Variants in RAB3IL1 observed in about 807,000 individuals in gnomAD.
RAB3IL1 encodes guanine nucleotide exchange factor for Rab-3A.
RAB3IL1 carries 37 observed loss-of-function variants against 49.2 expected under a neutral mutation model. The observed-to-expected ratio is 0.75, with a 90% confidence interval of 0.58 to 0.99. RAB3IL1 has a LOEUF of 0.99. Ranked by LOEUF, RAB3IL1 falls within the 50% of genes least tolerant of loss-of-function variation. RAB3IL1 has a pLI of 0.00. For synonymous variants in RAB3IL1, 193 were observed against 213.9 expected (o/e 0.90, Z 0.85); for missense variants, 484 against 513.0 (o/e 0.94, Z 0.55).
chr11:61,929,961 C>T, the RAB3IL1 span, among the ~76,000 whole-genome samples: 25 of 122,812 alleles, frequency 2.0e-4, no homozygotes, highest in African/African-American at 7.0e-4. Flanking sequence ...GGTGCAGTCT[C>T]GGCTCGCTGC....
rs114235650 is a variant in RAB3IL1 at position 61,907,687 on chromosome 11, G to A, written c.265-27C>T. On this transcript the variant is annotated intron_variant, in intron 2 of 9. Coordinates refer to ENST00000394836, the MANE Select transcript of RAB3IL1 (RefSeq NM_013401.4). ...TGGAGGAAAAGAGGCAGGCACTTGA[G>A]CACCTCAGCATCCCCAGGCCTGGCA... 245 of 1,605,702 alleles carry A rather than the reference G, an allele frequency of 1.5e-4. 1 individual carries two copies. In the African/African-American group the frequency reaches 2.7e-3, roughly 18 times the overall value.
chr11:61,906,517 G>A lies in RAB3IL1; in HGVS notation c.606C>T (p.Ala202=), dbSNP rs768849655. Residue 202 remains alanine (A), a synonymous_variant, in exon 5 of 10, where the codon GCC becomes GCT. Coordinates refer to ENST00000394836, the MANE Select transcript of RAB3IL1 (RefSeq NM_013401.4). The surrounding 1 kb of genome is among the most constrained non-coding windows in gnomAD (Gnocchi z 4.6). The part of the protein sequence containing the change: ...HKSTSSTLCP[A]VCPAAGHTLT... Reference sequence around the variant, plus strand: ...GGGTGTGTCCCGCAGCGGGACACACGGCGGGGCAGAGGGTGCTGCTGGTGC... The same window carrying A: ...GGGTGTGTCCCGCAGCGGGACACACAGCGGGGCAGAGGGTGCTGCTGGTGC... 6.4e-6 allele frequency: 10 copies of A among 1,555,222 alleles called. No homozygotes were observed. Among genetic ancestry groups the A allele is most frequent in the African/African-American group, 2.7e-5 (2 of 73,554 alleles).
At position 61,904,452 on chromosome 11, in the gene RAB3IL1, G is replaced by A. The variant is rs1453287661; in HGVS notation, c.899+94C>T. On this transcript the variant is annotated intron_variant, in intron 7 of 9. Transcript: ENST00000394836. ...CAGCAACTGTCCCTGTCCTGTCGGCGCTGCTGCATCCTGACCACCCCTCGG... is the reference window on the plus strand; with the variant it reads ...CAGCAACTGTCCCTGTCCTGTCGGCACTGCTGCATCCTGACCACCCCTCGG... 7.3e-5 allele frequency: 90 copies of A among 1,230,096 alleles called. No individual in the cohort carries two copies. In the East Asian group the frequency reaches 2.0e-3, roughly 28 times the overall value. The allele number at this position is 1,230,096 out of a possible 1,614,324, so 76.2% of individuals were successfully genotyped here. A position where few individuals can be genotyped will look rare whatever the true frequency, so the allele number is the denominator to read the frequency against.
rs1357901776 is a variant in RAB3IL1 at position 61,911,822 on chromosome 11, G to C, written c.12-3516C>G. 2.0e-5 allele frequency among the ~76,000 whole-genome samples: 3 copies of C among 152,152 alleles called. No homozygotes were observed. The East Asian group carries it at 5.8e-4, about 29-fold the overall frequency. ...GGCCCAGGCAGTTCATACAGGAAAG[G>C]CCCCACGGGTCACTTCCCCAGGAAA... On this transcript the variant is annotated intron_variant, in intron 1 of 9. Transcript: ENST00000394836.
the RAB3IL1 span, among the ~76,000 whole-genome samples, chr11:61,934,319 T>TATATACACACAC: frequency 7.9e-6 from 1 of 126,560 alleles, no homozygotes; most frequent in East Asian, 2.3e-4. Context: ...TGAGTAAATA[T>TATATACACACAC]ACACACACAC....
chr11:61,903,033 C>T (rs1938998688), intron 7 of RAB3IL1, among the ~76,000 whole-genome samples: 1 of 152,116 alleles, frequency 6.6e-6, no homozygotes, highest in African/African-American at 2.4e-5. Flanking sequence ...GTCTAAGAGC[C>T]TTCTCCCATG....
At chr11:61,943,381 A>C in the RAB3IL1 span, among the ~76,000 whole-genome samples, 1 of 152,212 alleles carries the variant, frequency 6.6e-6, no homozygotes, top group South Asian at 2.1e-4. Flanking sequence ...AAGCGATAGA[A>C]GTTTTAGAAG....
chr11:61,903,842 G>A (rs976522931), intron 7 of RAB3IL1, among the ~76,000 whole-genome samples: 16 of 151,926 alleles, frequency 1.1e-4, no homozygotes, highest in Non-Finnish European at 1.5e-4. Context: ...GACTTTTGCC[G>A]CACTGGCTGG....
In RAB3IL1 at chr11:61,907,633, C is replaced by A; in HGVS notation, c.292G>T (p.Glu98Ter). The change falls in exon 3 of 10, where the codon GAG (glutamate) becomes TAG (stop). Residue 98 changes from glutamate to a stop codon, truncating the protein, a stop_gained. Transcript: ENST00000394836. LOFTEE classifies it high-confidence loss of function. Reference sequence around the variant, plus strand: ...TGCTCCCGCACCTTGGACAGCCGCTCACATTCCTCGTCCTTTAGCTTCAGC... The same window carrying A: ...TGCTCCCGCACCTTGGACAGCCGCTAACATTCCTCGTCCTTTAGCTTCAGC... ...KELKLKDEECERLSKVREQLE... is the reference protein window; with the variant it reads ...KELKLKDEEC 6.2e-7 allele frequency: 1 copy of A among 1,614,144 alleles called. No individual in the cohort carries two copies. Among genetic ancestry groups the A allele is most frequent in the South Asian group, 1.1e-5 (1 of 91,072 alleles).
chr11:61,919,983 C>T (rs1939856127), upstream of RAB3IL1: 2 of 1,148,906 alleles, frequency 1.7e-6, no homozygotes, highest in Admixed American at 4.1e-5. Context: ...CTCACACTGG[C>T]TGCCCTGAAG....
intron 5 of RAB3IL1, among the ~76,000 whole-genome samples, chr11:61,905,543 C>CGGAT (rs1939141272): frequency 6.6e-6 from 1 of 151,932 alleles, no homozygotes; most frequent in Non-Finnish European, 1.5e-5. Context: ...CGGGCTGGGC[C>CGGAT]GGATGGACAG....
chr11:61,898,411 G>C lies in RAB3IL1; in HGVS notation c.1067-51C>G, dbSNP rs770752805. ...GTCGGGGACAGCTCAGGGTCACCTC[G>C]GGCAGATGGCCAGGTCCCCTCCTGT... is the stretch of plus-strand genomic sequence containing the variant. On this transcript the variant is annotated intron_variant, in intron 9 of 9. Transcript: ENST00000394836. This position sits in a 1 kb window ranked among gnomAD's most constrained non-coding sequence, Gnocchi z 5.1. The C allele has an allele frequency of 1.7e-5, 25 of 1,510,520 alleles. No homozygotes were observed. Among genetic ancestry groups the C allele is most frequent in the Non-Finnish European group, 2.3e-5 (25 of 1,089,640 alleles). The allele number at this position is 1,510,520 out of a possible 1,614,324, so 93.6% of individuals were successfully genotyped here.
chr11:61,908,180 C>G lies in RAB3IL1; in HGVS notation c.138G>C (p.Glu46Asp), dbSNP rs1315737023. ...PGALVETSAGEEAQGQEGPAA... is the reference protein window; with the variant it reads ...PGALVETSAGDEAQGQEGPAA... ...CGGGGCCCTCCTGGCCTTGGGCCTCCTCCCCTGCAGAGGTCTCCACCAGGG... is the reference window on the plus strand; with the variant it reads ...CGGGGCCCTCCTGGCCTTGGGCCTCGTCCCCTGCAGAGGTCTCCACCAGGG... The change falls in exon 2 of 10, where the codon GAG (glutamate) becomes GAC (aspartate). Residue 46 changes from glutamate to aspartate, a missense_variant. By Grantham distance (45) the Glu-to-Asp change is conservative. Coordinates refer to ENST00000394836, the MANE Select transcript of RAB3IL1 (RefSeq NM_013401.4). The G allele has an allele frequency of 1.3e-6, 2 of 1,555,060 alleles. No homozygotes were observed. Among genetic ancestry groups the G allele is most frequent in the African/African-American group, 2.7e-5 (2 of 73,426 alleles).
chr11:61,919,150 CA>C (rs1368764334), upstream of RAB3IL1, among the ~76,000 whole-genome samples: 5 of 152,348 alleles, frequency 3.3e-5, no homozygotes, highest in Admixed American at 6.5e-5. Context: ...TCCAAGTCTT[CA>C]CAAGCCCCGG....
chr11:61,910,005 GC>G (rs1939389408), intron 1 of RAB3IL1, among the ~76,000 whole-genome samples: 1 of 152,178 alleles, frequency 6.6e-6, no homozygotes, highest in Non-Finnish European at 1.5e-5. Context: ...GGGTGACAGA[GC>G]GAAACTCTGT....
At position 61,897,981 on chromosome 11, in the gene RAB3IL1, G is replaced by A. The variant is rs1474297072; in HGVS notation, c.*297C>T. 1.9e-5 allele frequency: 7 copies of A among 369,264 alleles called. No homozygotes were observed. The highest frequency in any genetic ancestry group is 3.5e-5 in the Non-Finnish European group (7 of 199,042). 22.9% of individuals were successfully genotyped at this position (369,264 alleles called of 1,614,324 possible). On this transcript the variant is annotated 3_prime_UTR_variant, in exon 10 of 10. Coordinates refer to ENST00000394836, the MANE Select transcript of RAB3IL1 (RefSeq NM_013401.4). ...CTGCCTCAGGTGTCCCCTCCCAAGG[G>A]CTGAGGCCCCCCGAGTATGGATCCG...
upstream of RAB3IL1, chr11:61,920,407 G>A (rs998441711): frequency 9.2e-6 from 5 of 540,724 alleles, no homozygotes; most frequent in Non-Finnish European, 1.4e-5. Context: ...AGAAGACACT[G>A]GGCCCTCCTT....
the RAB3IL1 span, among the ~76,000 whole-genome samples, chr11:61,939,745 G>C: frequency 6.6e-6 from 1 of 152,022 alleles, no homozygotes; most frequent in Non-Finnish European, 1.5e-5. Context: ...GAGCTCAGGA[G>C]TTCAAGACCG....
chr11:61,935,217 C>T, the RAB3IL1 span, among the ~76,000 whole-genome samples: 10 of 151,980 alleles, frequency 6.6e-5, no homozygotes, highest in African/African-American at 1.4e-4. Context: ...GTCTGGGGTT[C>T]AAGACCAGCC....
Sources: allele counts gnomAD v4.1 joint callset (sites outside exome capture counted in the v4.1 genomes callset), GRCh38; gene constraint gnomAD v4.1.1; non-coding constraint Gnocchi (gnomAD v3.1); transcripts MANE v1.5; gene names NCBI Gene and HGNC (gene_info 2026-07-23, HGNC 2026-07-21).